BFSP1: variants seen among roughly 807,000 people sequenced by gnomAD.
BFSP1 encodes filensin.
A neutral mutation model predicts 43.9 loss-of-function variants in BFSP1; 38 were observed. The ratio of observed to expected loss-of-function variants is 0.87; its 90% CI spans 0.67 to 1.14. The LOEUF (loss-of-function observed/expected upper bound fraction) is 1.14. Among genes scored for constraint, BFSP1 ranks in the 50% most tolerant of loss-of-function variants. The probability of loss-of-function intolerance (pLI) is 0.00; values close to 1 mark genes in which losing one functional copy is unlikely to be tolerated. For missense variants in BFSP1, 850 were observed against 875.1 expected (o/e 0.97, Z 0.36); for synonymous variants, 352 against 354.8 (o/e 0.99, Z 0.09).
intron 2 of BFSP1, among the ~76,000 whole-genome samples, chr20:17,521,846 G>A (rs570163443): frequency 4.6e-5 from 7 of 152,272 alleles, no homozygotes; most frequent in African/African-American, 9.6e-5. Context: ...AGCTCAGTAC[G>A]GCTGGGGTCC....
chr20:17,498,901 C>T lies in BFSP1; in HGVS notation c.875G>A (p.Cys292Tyr), dbSNP rs773793649. The T allele has an allele frequency of 6.2e-7, 1 of 1,614,028 alleles. No homozygotes were observed. The highest frequency in any genetic ancestry group is 1.3e-5 in the African/African-American group (1 of 74,932). The change falls in exon 6 of 8, where the codon TGC (cysteine) becomes TAC (tyrosine). Residue 292 changes from cysteine to tyrosine, a missense_variant. Physicochemically the swap from Cys to Tyr is radical, Grantham distance 194. Coordinates refer to ENST00000377873, the MANE Select transcript of BFSP1 (RefSeq NM_001195.5). Reference protein sequence around the residue: ...ERVLEKSSYDCRQLAVAQQTL... With the variant: ...ERVLEKSSYDYRQLAVAQQTL... Reference sequence around the variant, plus strand: ...TTGCTGGGCGACCGCCAGCTGCCGGCAGTCGTAAGAAGACTTCTCCAGGAC... The same window carrying T: ...TTGCTGGGCGACCGCCAGCTGCCGGTAGTCGTAAGAAGACTTCTCCAGGAC...
rs368890916 is a variant in BFSP1 at position 17,541,717 on chromosome 20, G to A, written c.3-16809C>T. 1.1e-3 allele frequency among the ~76,000 whole-genome samples: 166 copies of A among 152,284 alleles called. 3 individuals carry two copies. The South Asian group carries it at 0.034, about 31-fold the overall frequency. ...GGCTGTGGCTTTTCAGATGTCAACC[G>A]AAAACAAAATCCATTACAAAGCGTA... On this transcript the variant is annotated intron_variant, in intron 1 of 7. Transcript: ENST00000377868.
At chr20:17,517,229 G>A in intron 2 of BFSP1, 1 of 1,021,130 alleles carries the variant, frequency 9.8e-7, no homozygotes, top group Non-Finnish European at 1.5e-6. Flanking sequence ...GTGCTGGAGT[G>A]TTTATGGCAA....
upstream of BFSP1, among the ~76,000 whole-genome samples, chr20:17,559,996 T>C (rs2035052488): frequency 6.6e-6 from 1 of 152,096 alleles, no homozygotes; most frequent in Non-Finnish European, 1.5e-5. Flanking sequence ...CCATTGGCCT[T>C]TGGCTATCTG....
At chr20:17,566,542 A>T (rs1348906707) in intron 1 of BFSP1, among the ~76,000 whole-genome samples, 2 of 152,250 alleles carry the variant, frequency 1.3e-5, no homozygotes, top group East Asian at 3.8e-4. Flanking sequence ...GAGGCTGTGA[A>T]GTCCAAGATC....
chr20:17,538,780 G>A (rs774095088), intron 1 of BFSP1, among the ~76,000 whole-genome samples: 2 of 152,186 alleles, frequency 1.3e-5, no homozygotes, highest in Non-Finnish European at 2.9e-5. Context: ...TCAGGACTGC[G>A]TTTGGAGAAG....
intron 1 of BFSP1, among the ~76,000 whole-genome samples, chr20:17,540,775 C>A (rs73256663): frequency 7.9e-4 from 120 of 152,274 alleles, no homozygotes; most frequent in African/African-American, 2.8e-3. Flanking sequence ...GTCAGGAGAT[C>A]AAAAAGACTC....
chr20:17,497,178 C>T (rs1368061061), intron 6 of BFSP1, among the ~76,000 whole-genome samples, 155 bp from the exon 7 acceptor site: 1 of 152,124 alleles, frequency 6.6e-6, no homozygotes, highest in Admixed American at 6.6e-5. Flanking sequence ...CACACATTTA[C>T]ATACTGGATG....
chr20:17,519,455 C>A (rs2034272652), intron 2 of BFSP1, among the ~76,000 whole-genome samples: 1 of 152,226 alleles, frequency 6.6e-6, no homozygotes, highest in Non-Finnish European at 1.5e-5. Flanking sequence ...CAGAGCCTCC[C>A]TCCATGTATG....
chr20:17,510,873 C>G (rs2034060946), intron 4 of BFSP1, among the ~76,000 whole-genome samples: 1 of 152,208 alleles, frequency 6.6e-6, no homozygotes, highest in Admixed American at 6.5e-5. Context: ...CTTGACCAAT[C>G]CACCAAACCC....
At chr20:17,546,629 G>T (rs1197726971) in intron 1 of BFSP1, among the ~76,000 whole-genome samples, 2 of 152,028 alleles carry the variant, frequency 1.3e-5, no homozygotes, top group African/African-American at 2.4e-5. Flanking sequence ...TTGAACCCGG[G>T]AGGTGGAGGT....
In BFSP1 at chr20:17,512,309, G is replaced by A. The variant is rs73902010; in HGVS notation, c.535-241C>T. Reference sequence around the variant, plus strand: ...CTCCTTTAATCTTCACAAGAACAACGGGGCCGATGAATAAACTAAGACTTG... The same window carrying A: ...CTCCTTTAATCTTCACAAGAACAACAGGGCCGATGAATAAACTAAGACTTG... On this transcript the variant is annotated intron_variant, in intron 3 of 7. Transcript: ENST00000377873. Among the ~76,000 whole-genome samples the A allele has an allele frequency of 9.3e-3, 1,413 of 152,264 alleles. 27 individuals are homozygous for A. Among genetic ancestry groups the A allele is most frequent in the African/African-American group, 0.033 (1,358 of 41,550 alleles).
At chr20:17,511,867 T>C (rs1429443788) in intron 4 of BFSP1, 109 bp downstream of exon 4, 3 of 814,038 alleles carry the variant, frequency 3.7e-6, no homozygotes, top group African/African-American at 3.4e-5. Flanking sequence ...GAGTGGGGAG[T>C]GGACCCTGGT....
upstream of BFSP1, among the ~76,000 whole-genome samples, chr20:17,535,227 G>A (rs2034607505): frequency 6.6e-6 from 1 of 152,012 alleles, no homozygotes; most frequent in East Asian, 1.9e-4. Flanking sequence ...ATTATTCTTA[G>A]AAAATACACT....
Position 17,494,136 on chromosome 20 carries a change from C to G in BFSP1, c.1936G>C (p.Val646Leu), listed in dbSNP as rs145017887. The G allele has an allele frequency of 6.2e-7, 1 of 1,614,152 alleles. No homozygotes were observed. The highest frequency in any genetic ancestry group is 8.5e-7 in the Non-Finnish European group (1 of 1,180,034). Residue 646 changes from valine to leucine, a missense_variant, in exon 8 of 8, where the codon GTG (valine) becomes CTG (leucine). Coordinates refer to ENST00000377873, the MANE Select transcript of BFSP1 (RefSeq NM_001195.5). ...TTTGTCTTTCCAATCATGGTCTCCA[C>G]GATCACAGCGGTTTCTTCATATGTC... ...IQTYEETAVI[V>L]ETMIGKTKSD...
chr20:17,555,293 A>AG (rs1348058227), intron 1 of BFSP1, among the ~76,000 whole-genome samples: 1 of 148,832 alleles, frequency 6.7e-6, no homozygotes, highest in Non-Finnish European at 1.5e-5. Flanking sequence ...TCTCACAAAA[A>AG]AAAAAAAAAA....
At chr20:17,537,096 C>A (rs554935811) in intron 1 of BFSP1, among the ~76,000 whole-genome samples, 4 of 152,162 alleles carry the variant, frequency 2.6e-5, no homozygotes, top group Non-Finnish European at 5.9e-5. Flanking sequence ...CGTCCTTTAC[C>A]CAGAACATGC....
At chr20:17,560,666 C>T (rs1568721962), upstream of BFSP1, 1 of 152,250 alleles carries the variant, frequency 6.6e-6, no homozygotes, top group African/African-American at 2.4e-5. Context: ...CTGGTATCAC[C>T]TCCATATCCC....
Position 17,540,185 on chromosome 20 carries a change from C to T in BFSP1, c.3-15277G>A, listed in dbSNP as rs540695126. On this transcript the variant is annotated intron_variant, in intron 1 of 7. Coordinates refer to the BFSP1 transcript ENST00000377868. ...ATTCCAACCATCTGACTTGTTAGTT[C>T]ATTTGGTAAGGAGCTACAAGTGATG... Among the ~76,000 whole-genome samples, 5 of 152,172 alleles carry T rather than the reference C, an allele frequency of 3.3e-5. No individual in the cohort carries two copies. The East Asian group carries it at 7.7e-4, about 24-fold the overall frequency.
Sources: gnomAD v4.1 joint callset for allele counts (sites outside exome capture counted in the v4.1 genomes callset) on GRCh38, gnomAD v4.1.1 for gene constraint, MANE v1.5 for transcripts, NCBI Gene and HGNC (gene_info 2026-07-23, HGNC 2026-07-21) for gene names.